The following HTT variants were observed in gnomAD, a reference collection of about 807,000 sequenced individuals.
HTT encodes the protein huntingtin, also known as huntington disease protein.
In HTT, 104 loss-of-function variants were observed where a neutral mutation model predicts 362.3. The ratio of observed to expected loss-of-function variants is 0.29; its 90% confidence interval spans 0.24 to 0.34. The LOEUF is 0.34. Among genes scored for constraint, HTT ranks in the 10% least tolerant of loss-of-function variants. HTT has a pLI of 1.00. For missense variants in HTT, 3,301 were observed against 3,928.6 expected, an observed-to-expected ratio of 0.84 and a Z score of 4.27; for synonymous variants, 1,577 against 1,548.7, an observed-to-expected ratio of 1.02 and a Z score of -0.43.
At chr4:3,234,211 A>G (rs1389850609) in intron 61 of HTT, among the ~76,000 whole-genome samples, 5 of 152,258 alleles carry the variant, frequency 3.3e-5, no homozygotes, top group Admixed American at 2.0e-4. Context: ...GAGCCAGGGC[A>G]CATGCCGGTG....
Position 3,074,919 on chromosome 4 carries a change from C to A in HTT, c.94C>A (p.Gln32Lys). The change falls in exon 1 of 67, where the codon CAG (glutamine) becomes AAG (lysine). Residue 32 changes from glutamine to lysine, a missense_variant. Gln to Lys is a moderately conservative substitution (Grantham distance 53, BLOSUM62 1). Around this residue, in one of 4 missense-constraint regions of HTT, gnomAD observed 2,316 missense variants for 2,658.5 expected, o/e 0.87. Coordinates refer to ENST00000355072, the MANE Select transcript of HTT (RefSeq NM_001388492.1). ...GCAGCAGCAGCAGCAGCAGCAGCAGCAGCAGCAGCAGCAGCAACAGCCGCC... is the reference window on the plus strand; with the variant it reads ...GCAGCAGCAGCAGCAGCAGCAGCAGAAGCAGCAGCAGCAGCAACAGCCGCC... ...QQQQQQQQQQ[Q>K]QQQQQQPPPP... 3 of 1,489,462 alleles carry A rather than the reference C, an allele frequency of 2.0e-6. No individual in the cohort carries two copies. Among genetic ancestry groups the A allele is most frequent in the African/African-American group, 1.5e-5 (1 of 66,918 alleles). The allele number at this position is 1,489,462 out of a possible 1,614,324, so 92.3% of individuals were successfully genotyped here.
chr4:3,099,439 G>A (rs748604098), intron 3 of HTT, 45 bp downstream of exon 3: 1 of 1,608,312 alleles, frequency 6.2e-7, no homozygotes, highest in Non-Finnish European at 8.5e-7. Flanking sequence ...TATCATTGTT[G>A]TAGGCTGAGA....
intron 47 of HTT, among the ~76,000 whole-genome samples, chr4:3,210,609 T>TA (rs1553919734): frequency 6.6e-6 from 1 of 151,672 alleles, no homozygotes; most frequent in Non-Finnish European, 1.5e-5. Flanking sequence ...CTGTGAGCAG[T>TA]GGGGGGGCCA....
At chr4:3,239,134 G>T (rs557087846) in intron 66 of HTT, among the ~76,000 whole-genome samples, 156 bp downstream of exon 66, 3 of 152,320 alleles carry the variant, frequency 2.0e-5, no homozygotes, top group South Asian at 4.1e-4. Context: ...GCTGACAGGG[G>T]TACAGAAAGG....
At chr4:3,201,545 A>T (rs1719531741) in intron 41 of HTT, among the ~76,000 whole-genome samples, 1 of 151,890 alleles carries the variant, frequency 6.6e-6, no homozygotes, top group Non-Finnish European at 1.5e-5. Flanking sequence ...AAAAAAAAAA[A>T]AAAAAAAATT....
In HTT at chr4:3,233,348, C is replaced by A; in HGVS notation, c.8451C>A (p.Ile2817=). The change falls in exon 61 of 67, where the codon ATC becomes ATA. Residue 2817 remains isoleucine (I), a synonymous_variant. Coordinates refer to ENST00000355072, the MANE Select transcript of HTT (RefSeq NM_001388492.1). ...ATCTCCTCTCCAACCTGAAAGGGAT[C>A]GCCCAGTGAGTGGGAGCCTGGCTGG... ...SDYLLSNLKG[I]AHCVNIHSQQ... The A allele has an allele frequency of 6.3e-7, 1 of 1,595,610 alleles. No homozygotes were observed. Among genetic ancestry groups the A allele is most frequent in the East Asian group, 2.3e-5 (1 of 44,304 alleles).
At position 3,160,320 on chromosome 4, in the gene HTT, A is replaced by G; in HGVS notation, c.3792A>G (p.Gly1264=). The change falls in exon 29 of 67, where the codon GGA becomes GGG. Residue 1264 remains glycine, a synonymous_variant. Transcript: ENST00000355072. Reference sequence around the variant, plus strand: ...TTCAGAACAGCACGGAAAAGTTTGGAGGGTTTCTCCGCTCAGCCTTGGATG... The same window carrying G: ...TTCAGAACAGCACGGAAAAGTTTGGGGGGTTTCTCCGCTCAGCCTTGGATG... ...LDLQNSTEKF[G]GFLRSALDVL... is the part of the protein sequence containing the mutation. 2 of 1,553,648 alleles carry G rather than the reference A, an allele frequency of 1.3e-6. No homozygotes were observed. Among genetic ancestry groups the G allele is most frequent in the Non-Finnish European group, 1.7e-6 (2 of 1,147,640 alleles).
At chr4:3,171,903 T>A (rs1717998238) in intron 29 of HTT, among the ~76,000 whole-genome samples, 1 of 152,202 alleles carries the variant, frequency 6.6e-6, no homozygotes, top group Non-Finnish European at 1.5e-5. Flanking sequence ...TTTAAGACAA[T>A]TCTAGGACTG....
intron 2 of HTT, among the ~76,000 whole-genome samples, chr4:3,096,747 T>G (rs554589457): frequency 3.9e-5 from 6 of 152,328 alleles, no homozygotes; most frequent in African/African-American, 1.4e-4. Context: ...ATGCCTGTTT[T>G]AGGAAAGAAA....
intron 51 of HTT, among the ~76,000 whole-genome samples, chr4:3,216,459 A>G (rs983668183): frequency 1.3e-5 from 2 of 152,254 alleles, no homozygotes; most frequent in African/African-American, 4.8e-5. Flanking sequence ...GAAATCAATC[A>G]GTTAATCCCT....
In HTT at chr4:3,206,405, CCTT is replaced by C; in HGVS notation, c.5719-87_5719-85del. ...GGTTTATATTTGGGATGTGTTTTCTCCTTCTTACCCTTTCTGGCCTTTCTATGG... is the reference window on the plus strand; with the variant it reads ...GGTTTATATTTGGGATGTGTTTTCTCCTTACCCTTTCTGGCCTTTCTATGG... On this transcript the variant is annotated intron_variant, in intron 42 of 66. Coordinates refer to ENST00000355072, the MANE Select transcript of HTT (RefSeq NM_001388492.1). This position sits in a 1 kb window ranked among gnomAD's most constrained non-coding sequence, Gnocchi z 4.6. 3.2e-6 allele frequency: 3 copies of C among 943,498 alleles called. No individual in the cohort carries two copies. The highest frequency in any genetic ancestry group is 5.0e-6 in the Non-Finnish European group (3 of 598,370). The allele number at this position is 943,498 out of a possible 1,614,324, so 58.4% of individuals were successfully genotyped here. A position where few individuals can be genotyped will look rare whatever the true frequency, so the allele number is the denominator to read the frequency against.
In HTT at chr4:3,184,544, A is replaced by C. The variant is rs534333929; in HGVS notation, c.4867-2053A>C. Among the ~76,000 whole-genome samples, 3 of 152,196 alleles carry C rather than the reference A, an allele frequency of 2.0e-5. No individual in the cohort carries two copies. The East Asian group carries it at 5.8e-4, about 29-fold the overall frequency. On this transcript the variant is annotated intron_variant, in intron 37 of 66. Transcript: ENST00000355072. ...CATCCCTTGGCAGCATGAAAGCAAA[A>C]CCAGCAAGGTTTGCTGGTGGCTTAG...
intron 6 of HTT, 89 bp from the exon 7 acceptor site, chr4:3,115,215 A>G (rs1050703940): frequency 1.8e-5 from 24 of 1,325,038 alleles, no homozygotes; most frequent in Non-Finnish European, 2.5e-5. Context: ...AAGAATTGGA[A>G]ACTTCTAATT....
intron 56 of HTT, 45 bp from the exon 57 acceptor site, chr4:3,225,616 C>T (rs776802476): frequency 2.5e-6 from 4 of 1,575,790 alleles, no homozygotes; most frequent in Non-Finnish European, 2.6e-6. Flanking sequence ...GCCTGCGGCC[C>T]TGCCCCCCTG....
intron 12 of HTT, 57 bp from the exon 13 acceptor site, chr4:3,129,867 G>T: frequency 6.2e-7 from 1 of 1,609,960 alleles, no homozygotes; most frequent in South Asian, 1.1e-5. Flanking sequence ...ATGTTGGAGG[G>T]CTTGTCTCTT....
intron 3 of HTT, among the ~76,000 whole-genome samples, chr4:3,101,092 C>T (rs755839937): frequency 2.6e-5 from 4 of 152,178 alleles, no homozygotes; most frequent in Non-Finnish European, 5.9e-5. Context: ...AGGGCTATCC[C>T]AGGTTGCCTT....
At chr4:3,165,181 C>T (rs926193206) in intron 29 of HTT, among the ~76,000 whole-genome samples, 2 of 152,126 alleles carry the variant, frequency 1.3e-5, no homozygotes, top group Non-Finnish European at 2.9e-5. Context: ...ACTTATGAAG[C>T]TTAGTTTGGC....
chr4:3,131,850 T>G, intron 16 of HTT, 75 bp downstream of exon 16: 2 of 1,435,036 alleles, frequency 1.4e-6, no homozygotes, highest in Middle Eastern at 2.2e-4. Flanking sequence ...TTGACTATTT[T>G]AGTTTTAGAG....
chr4:3,177,278 GTT>G (rs1718283613), intron 33 of HTT, 52 bp from the exon 34 acceptor site: 1 of 1,250,572 alleles, frequency 8.0e-7, no homozygotes, highest in Admixed American at 1.9e-5. Flanking sequence ...AAGAAGCCTG[GTT>G]TTTACATTTT....
Sources: gnomAD v4.1 joint callset for allele counts (sites outside exome capture counted in the v4.1 genomes callset) on GRCh38, gnomAD v4.1.1 for gene constraint, gnomAD v4.1.1 regional missense constraint, Gnocchi (gnomAD v3.1) non-coding constraint, MANE v1.5 for transcripts, NCBI Gene and HGNC (gene_info 2026-07-23, HGNC 2026-07-21) for gene names.